The following MAP3K3 variants were observed in gnomAD, a reference collection of about 807,000 sequenced individuals.
MAP3K3 encodes mitogen-activated protein kinase kinase kinase 3.
In MAP3K3, 12 loss-of-function variants were observed where a neutral mutation model predicts 80.9. The observed-to-expected ratio is 0.15, with a 90% CI of 0.10 to 0.24. The LOEUF is 0.24. Among genes scored for constraint, MAP3K3 ranks in the 10% least tolerant of loss-of-function variants. The pLI is 1.00. For missense variants in MAP3K3, 596 were observed against 834.7 expected (o/e 0.71, Z 3.52); for synonymous variants, 272 against 307.1 (o/e 0.89, Z 1.19).
At chr17:63,688,243 G>T (rs1598121124) in intron 8 of MAP3K3, 1 of 503,638 alleles carries the variant, frequency 2.0e-6, no homozygotes, top group East Asian at 3.7e-5. Context: ...GCCTGTTACA[G>T]AGGTGGGAAG....
At chr17:63,646,006 C>G in intron 2 of MAP3K3, 28 bp from the exon 3 acceptor site, 1 of 1,607,726 alleles carries the variant, frequency 6.2e-7, no homozygotes, top group Non-Finnish European at 8.5e-7. Flanking sequence ...AGAGAATTCT[C>G]TAACCTGTCT....
intron 6 of MAP3K3, 28 bp downstream of exon 6, chr17:63,667,088 C>A: frequency 6.4e-7 from 1 of 1,555,266 alleles, no homozygotes; most frequent in South Asian, 1.2e-5. Context: ...TTTTTCTCCC[C>A]CTCTATTTTA....
At chr17:63,660,847 C>T (rs774171030) in intron 5 of MAP3K3, among the ~76,000 whole-genome samples, 10 of 152,128 alleles carry the variant, frequency 6.6e-5, no homozygotes, top group Admixed American at 1.3e-4. Flanking sequence ...CCGCCTGTCT[C>T]GGCCTCCCAA....
At position 63,694,690 on chromosome 17, in the gene MAP3K3, C is replaced by G. The variant is rs15637; in HGVS notation, c.*913C>G. The G allele has an allele frequency of 0.38, 57,819 of 152,574 alleles. 14,346 individuals carry two copies. The highest frequency in any genetic ancestry group is 0.71 in the African/African-American group (29,510 of 41,506). The allele number at this position is 152,574 out of a possible 1,614,324, so 9.5% of individuals were successfully genotyped here. A position where few individuals can be genotyped will look rare whatever the true frequency, so the allele number is the denominator to read the frequency against. On this transcript the variant is annotated 3_prime_UTR_variant, in exon 16 of 16. Transcript: ENST00000361733. ...CAGAAGGGGAGATGGACGACACGGT[C>G]GGGGCATCTGGCCTGGCCAGTGCCC...
rs753092392 is a variant in MAP3K3, at chr17:63,674,079, C to CA, written c.502+7034dup. The stretch of plus-strand genomic sequence containing the variant: ...TAGGCAACAGAGTGAGACTCTGTCT[C>CA]AAAAAAAAAAAAAAAGGACTTGTCC... On this transcript the variant is annotated intron_variant, in intron 6 of 15. Coordinates refer to ENST00000361733, the MANE Select transcript of MAP3K3 (RefSeq NM_002401.5). 2.5e-3 allele frequency among the ~76,000 whole-genome samples: 285 copies of CA among 113,010 alleles called. 3 individuals are homozygous for CA. The highest frequency in any genetic ancestry group is 4.4e-3 in the Middle Eastern group (1 of 228). 74.1% of individuals were successfully genotyped at this position (113,010 alleles called of 152,430 possible). A position where few individuals can be genotyped will look rare whatever the true frequency, so the allele number is the denominator to read the frequency against.
chr17:63,676,690 A>C (rs1479614898), intron 6 of MAP3K3, among the ~76,000 whole-genome samples: 1 of 152,236 alleles, frequency 6.6e-6, no homozygotes, highest in Non-Finnish European at 1.5e-5. Flanking sequence ...AAAGAGAAGC[A>C]GCCTCTAGGT....
intron 5 of MAP3K3, among the ~76,000 whole-genome samples, chr17:63,664,741 G>C (rs1280646119): frequency 6.6e-6 from 1 of 152,102 alleles, no homozygotes; most frequent in East Asian, 1.9e-4. Context: ...TGTTCTGCTA[G>C]CTACACAGTT....
intron 6 of MAP3K3, chr17:63,668,013 C>T (rs2035033401): frequency 6.6e-6 from 1 of 152,174 alleles, no homozygotes; most frequent in Non-Finnish European, 1.5e-5. Context: ...GAGAAAGCCC[C>T]CATTTCTTGA....
chr17:63,685,361 G>A (rs2035426398), intron 7 of MAP3K3, among the ~76,000 whole-genome samples, 156 bp from the exon 8 acceptor site: 1 of 152,288 alleles, frequency 6.6e-6, no homozygotes, highest in African/African-American at 2.4e-5. Context: ...GGGGAGGATG[G>A]TACCTTTCTA....
At chr17:63,646,103 G>A (rs369281595) in intron 3 of MAP3K3, 29 bp downstream of exon 3, 77 of 1,608,856 alleles carry the variant, frequency 4.8e-5, no homozygotes, top group Non-Finnish European at 6.2e-5. Flanking sequence ...GAGTAGCTGT[G>A]TTCATGTATG....
chr17:63,690,389 C>T lies in MAP3K3; in HGVS notation c.1189C>T (p.Pro397Ser). The T allele has an allele frequency of 6.2e-7, 1 of 1,614,138 alleles. No homozygotes were observed. Residue 397 changes from proline to serine, a missense_variant, in exon 12 of 16, where the codon CCA (proline) becomes TCA (serine). By Grantham distance (74) the Pro-to-Ser change is moderately conservative. Transcript: ENST00000361733. ...TGCTTCCAAGCAGGTCCAATTTGAT[C>T]CAGACAGTCCTGAGACAAGCAAGGT... ...ELASKQVQFD[P>S]DSPETSKEVS...
chr17:63,647,919 C>A (rs930069733), intron 3 of MAP3K3, among the ~76,000 whole-genome samples: 1 of 152,202 alleles, frequency 6.6e-6, no homozygotes, highest in African/African-American at 2.4e-5. Context: ...CATGACTTTT[C>A]CCACTTATCC....
chr17:63,625,286 T>A (rs2034076981), intron 1 of MAP3K3, among the ~76,000 whole-genome samples: 1 of 146,348 alleles, frequency 6.8e-6, no homozygotes, highest in East Asian at 2.0e-4. Context: ...TAATAGGAAA[T>A]TTTTTTTTTT....
chr17:63,632,663 T>A lies in MAP3K3; in HGVS notation c.5-18T>A. 1.9e-6 allele frequency: 3 copies of A among 1,613,608 alleles called. No individual in the cohort carries two copies. Among genetic ancestry groups the A allele is most frequent in the Non-Finnish European group, 2.5e-6 (3 of 1,179,874 alleles). ...CTGTATTTAAGTGTCTTAGTCCATG[T>A]GCTCTCTTTCATTGCAGACGAACAG... On this transcript the variant is annotated intron_variant, in intron 1 of 15. Transcript: ENST00000361733.
chr17:63,645,036 T>G (rs1041535724), intron 2 of MAP3K3, among the ~76,000 whole-genome samples: 4 of 152,256 alleles, frequency 2.6e-5, no homozygotes, highest in Non-Finnish European at 4.4e-5. Context: ...TCCTCTTTAA[T>G]TTGTTCTTTG....
At chr17:63,682,364 G>C (rs2035356810) in intron 7 of MAP3K3, 1 of 152,466 alleles carries the variant, frequency 6.6e-6, no homozygotes, top group Non-Finnish European at 1.5e-5. Flanking sequence ...TATGATGGTA[G>C]ACAGTTGTAT....
chr17:63,627,013 G>A (rs1374880706), intron 1 of MAP3K3, among the ~76,000 whole-genome samples: 1 of 152,124 alleles, frequency 6.6e-6, no homozygotes, highest in African/African-American at 2.4e-5. Flanking sequence ...GTTAGCCAAG[G>A]GAACTCACAA....
chr17:63,688,467 G>A (rs2035507909), intron 8 of MAP3K3, 60 bp from the exon 9 acceptor site: 6 of 1,330,742 alleles, frequency 4.5e-6, no homozygotes, highest in Admixed American at 3.4e-5. Flanking sequence ...CTGCCTGGAC[G>A]CCCTGCTTGG....
chr17:63,643,522 A>T (rs560361529), intron 2 of MAP3K3, among the ~76,000 whole-genome samples: 7 of 151,944 alleles, frequency 4.6e-5, no homozygotes, highest in African/African-American at 1.7e-4. Flanking sequence ...AATAATAACA[A>T]TAATAATAAT....
Sources: gnomAD v4.1 joint callset for allele counts (sites outside exome capture counted in the v4.1 genomes callset) on GRCh38, gnomAD v4.1.1 for gene constraint, MANE v1.5 for transcripts, NCBI Gene and HGNC (gene_info 2026-07-23, HGNC 2026-07-21) for gene names.